NECTIN3: variants seen among roughly 807,000 people sequenced by gnomAD.
The protein encoded by NECTIN3 is nectin-3.
In NECTIN3, 8 loss-of-function variants were observed where a neutral mutation model predicts 49.4. The ratio of observed to expected loss-of-function variants is 0.16; its 90% confidence interval spans 0.10 to 0.29. The LOEUF (loss-of-function observed/expected upper bound fraction) is 0.29, where lower values mean the gene tolerates loss of function less well. NECTIN3 is among the 10% of genes least tolerant of loss of function. NECTIN3 has a pLI of 1.00. For missense variants in NECTIN3, 581 were observed against 654.6 expected (o/e 0.89, Z 1.23); for synonymous variants, 277 against 241.1 (o/e 1.15, Z -1.38).
intron 7 of NECTIN3, among the ~76,000 whole-genome samples, chr3:111,176,808 G>A (rs904909678): frequency 6.6e-6 from 1 of 151,986 alleles, no homozygotes; most frequent in African/African-American, 2.4e-5. Context: ...AATGGATAGA[G>A]ACCCTTTTGT....
intron 7 of NECTIN3, among the ~76,000 whole-genome samples, chr3:111,186,116 C>T (rs112460517): frequency 2.6e-5 from 4 of 151,746 alleles, no homozygotes; most frequent in South Asian, 2.1e-4. Flanking sequence ...GTCTAGTATG[C>T]GGTGAGTGGC....
upstream of NECTIN3, among the ~76,000 whole-genome samples, chr3:111,191,465 G>A (rs1382814844): frequency 6.6e-6 from 1 of 152,074 alleles, no homozygotes; most frequent in Non-Finnish European, 1.5e-5. Context: ...TGTTGTGCAA[G>A]GCTTCATGAA....
intron 7 of NECTIN3, among the ~76,000 whole-genome samples, chr3:111,158,258 T>C (rs2035138302): frequency 6.6e-6 from 1 of 152,046 alleles, no homozygotes; most frequent in Non-Finnish European, 1.5e-5. Flanking sequence ...GAATATTTCT[T>C]ATATATAAGT....
intron 7 of NECTIN3, among the ~76,000 whole-genome samples, chr3:111,172,164 C>T (rs747898964): frequency 2.6e-5 from 4 of 152,094 alleles, no homozygotes; most frequent in Non-Finnish European, 4.4e-5. Context: ...GTAGCAGCTG[C>T]TTCCTTTCAT....
At chr3:111,172,521 T>C (rs1419679221) in intron 7 of NECTIN3, among the ~76,000 whole-genome samples, 8 of 152,198 alleles carry the variant, frequency 5.3e-5, no homozygotes, top group Admixed American at 5.2e-4. Flanking sequence ...TTTAAAAGCT[T>C]ATATTTCTTC....
intron 1 of NECTIN3, among the ~76,000 whole-genome samples, chr3:111,111,577 T>A (rs1264883959): frequency 2.0e-5 from 3 of 152,136 alleles, no homozygotes; most frequent in Non-Finnish European, 2.9e-5. Flanking sequence ...ATTTATTATC[T>A]CTCAGTTTCT....
chr3:111,155,744 T>G (rs1368793119), intron 7 of NECTIN3, among the ~76,000 whole-genome samples: 2 of 152,182 alleles, frequency 1.3e-5, no homozygotes, highest in Non-Finnish European at 2.9e-5. Context: ...AATTGGTCTA[T>G]ATATGGACTT....
intron 5 of NECTIN3, among the ~76,000 whole-genome samples, chr3:111,126,980 A>C (rs533924461): frequency 5.2e-4 from 79 of 152,306 alleles, no homozygotes; most frequent in African/African-American, 1.8e-3. Flanking sequence ...GAGAGCTAAA[A>C]ATACATCTTT....
rs375299116 is a variant in NECTIN3, at chr3:111,136,672, C to T, written c.*2457C>T. On this transcript the variant is annotated 3_prime_UTR_variant, in exon 6 of 6. Transcript: ENST00000485303. The stretch of plus-strand genomic sequence containing the variant: ...CAGGTATATATGAAAATTCTACTAT[C>T]GTGAAAAAAAATGAATATTTGTACT... 12 of 909,320 alleles carry T rather than the reference C, an allele frequency of 1.3e-5. No homozygotes were observed. The highest frequency in any genetic ancestry group is 5.1e-5 in the South Asian group (1 of 19,704). 56.3% of individuals were successfully genotyped at this position (909,320 alleles called of 1,614,324 possible). A position where few individuals can be genotyped will look rare whatever the true frequency, so the allele number is the denominator to read the frequency against.
intron 7 of NECTIN3, among the ~76,000 whole-genome samples, chr3:111,182,735 A>G (rs540754887): frequency 3.1e-4 from 47 of 152,150 alleles, no homozygotes; most frequent in Non-Finnish European, 5.4e-4. Context: ...CATATTTACA[A>G]TAATTTTCAT....
intron 1 of NECTIN3, among the ~76,000 whole-genome samples, chr3:111,089,922 A>T (rs2032160458): frequency 6.6e-6 from 1 of 152,068 alleles, no homozygotes; most frequent in Non-Finnish European, 1.5e-5. Context: ...TGCCCCGTGC[A>T]TATTAGGTTA....
At chr3:111,095,568 T>G (rs971863395) in intron 1 of NECTIN3, among the ~76,000 whole-genome samples, 3 of 152,206 alleles carry the variant, frequency 2.0e-5, no homozygotes, top group African/African-American at 7.2e-5. Flanking sequence ...CCCTTACTTT[T>G]TTCAACAGCT....
intron 7 of NECTIN3, among the ~76,000 whole-genome samples, chr3:111,149,198 C>T (rs2034946531): frequency 6.6e-6 from 1 of 151,980 alleles, no homozygotes; most frequent in African/African-American, 2.4e-5. Flanking sequence ...ATTGCTATGT[C>T]TTTCTCTTCC....
intron 1 of NECTIN3, among the ~76,000 whole-genome samples, chr3:111,110,018 C>T (rs1223279819): frequency 6.6e-6 from 1 of 151,968 alleles, no homozygotes; most frequent in African/African-American, 2.4e-5. Context: ...GTAAAGATAT[C>T]ACCCTTTGTA....
chr3:111,140,098 A>T (rs971576845), downstream of NECTIN3, among the ~76,000 whole-genome samples: 2 of 151,860 alleles, frequency 1.3e-5, no homozygotes, highest in South Asian at 4.1e-4. Context: ...TTTAGATGTG[A>T]TAACTAAAAT....
intron 2 of NECTIN3, among the ~76,000 whole-genome samples, chr3:111,113,228 ATAG>A (rs2033548131): frequency 6.6e-6 from 1 of 152,184 alleles, no homozygotes; most frequent in Non-Finnish European, 1.5e-5. Context: ...ATTGAACAAG[ATAG>A]TGGTGTGAAG....
downstream of NECTIN3, among the ~76,000 whole-genome samples, chr3:111,142,154 CT>C (rs1379984223): frequency 6.6e-6 from 1 of 151,914 alleles, no homozygotes; most frequent in Non-Finnish European, 1.5e-5. Context: ...TTTTCATCAA[CT>C]GTTAATACCC....
intron 5 of NECTIN3, among the ~76,000 whole-genome samples, chr3:111,132,629 A>C (rs928444238): frequency 6.6e-6 from 1 of 151,764 alleles, no homozygotes; most frequent in Admixed American, 6.6e-5. Context: ...AATTTTTGCT[A>C]TTTATGTTTA....
At chr3:111,172,624 T>C (rs1297179655) in intron 7 of NECTIN3, among the ~76,000 whole-genome samples, 1 of 152,210 alleles carries the variant, frequency 6.6e-6, no homozygotes, top group South Asian at 2.1e-4. Context: ...AGTTGAATTA[T>C]TGAACATGCT....
Sources: gnomAD v4.1 joint callset for allele counts (sites outside exome capture counted in the v4.1 genomes callset) on GRCh38, gnomAD v4.1.1 for gene constraint, MANE v1.5 for transcripts, NCBI Gene and HGNC (gene_info 2026-07-23, HGNC 2026-07-21) for gene names.